The following PIEZO1 variants were observed in gnomAD, a reference collection of about 807,000 sequenced individuals.
PIEZO1 encodes piezo-type mechanosensitive ion channel component 1.
PIEZO1 carries 296 observed loss-of-function variants against 297.2 expected under a neutral mutation model. The observed-to-expected ratio is 1.00, with a 90% CI of 0.91 to 1.10. PIEZO1 has a LOEUF of 1.10. Among genes scored for constraint, PIEZO1 ranks in the 50% least tolerant of loss-of-function variants. The pLI, the probability that PIEZO1 is intolerant of heterozygous loss-of-function variation, is 0.00. For missense variants in PIEZO1, 5,018 were observed against 3,455.5 expected (o/e 1.45, Z -11.34); for synonymous variants, 2,427 against 1,507.5 (o/e 1.61, Z -14.13).
In PIEZO1 at chr16:88,743,400, C is replaced by T. The variant is rs1197634645; in HGVS notation, c.161-978G>A. ...GAGCTTCCGGGCCCTCACCCTGGGG[C>T]AGCAACTCCTGCACCACCAGCCACG... On this transcript the variant is annotated intron_variant, in intron 2 of 50. Transcript: ENST00000301015. 3 of 446,248 alleles carry T rather than the reference C, an allele frequency of 6.7e-6. No individual in the cohort carries two copies. In the Admixed American group the frequency reaches 7.1e-5, roughly 11 times the overall value. The allele number at this position is 446,248 out of a possible 1,614,324, so 27.6% of individuals were successfully genotyped here. A position where few individuals can be genotyped will look rare whatever the true frequency, so the allele number is the denominator to read the frequency against.
chr16:88,756,069 G>T (rs1351476633), intron 1 of PIEZO1, among the ~76,000 whole-genome samples: 5 of 152,198 alleles, frequency 3.3e-5, no homozygotes, highest in Non-Finnish European at 5.9e-5. Flanking sequence ...TGAGCAGTCA[G>T]AGGTGTCCTC....
At chr16:88,755,889 T>C (rs3743975) in intron 1 of PIEZO1, among the ~76,000 whole-genome samples, 65,358 of 151,984 alleles carry the variant, frequency 0.43, 16,274 homozygotes, top group African/African-American at 0.7. Context: ...CAGCAGATCC[T>C]GACATGAGAA....
chr16:88,746,606 A>C (rs1351362460), intron 2 of PIEZO1, among the ~76,000 whole-genome samples: 1 of 152,186 alleles, frequency 6.6e-6, no homozygotes, highest in African/African-American at 2.4e-5. Flanking sequence ...CAGCTGCACA[A>C]ATCATAAAGC....
rs202139830 is a variant in PIEZO1, at chr16:88,733,987, C to T, written c.2248G>A (p.Glu750Lys). Residue 750 changes from glutamate (E) to lysine (K), a missense_variant, in exon 17 of 51, where the codon GAG (glutamate) becomes AAG (lysine). Transcript: ENST00000301015. ...EQQEHQQQQQ[E>K]EEEEEEDSRD... ...GAGTCCTCCTCCTCCTCCTCCTCCT[C>T]CTGCTGCTGCTGCTGATGCTCCTGC... 1 of 1,506,142 alleles carries T rather than the reference C, an allele frequency of 6.6e-7. No homozygotes were observed. Among genetic ancestry groups the T allele is most frequent in the Non-Finnish European group, 8.9e-7 (1 of 1,118,380 alleles). 93.3% of individuals were successfully genotyped at this position (1,506,142 alleles called of 1,614,324 possible).
chr16:88,723,192 C>G, intron 32 of PIEZO1, 34 bp downstream of exon 32: 1 of 1,549,188 alleles, frequency 6.5e-7, no homozygotes, highest in Non-Finnish European at 8.7e-7. Context: ...AGTCCCGCGG[C>G]TTCCCCTCAG....
At chr16:88,722,554 G>C (rs1280115564) in intron 35 of PIEZO1, 29 bp downstream of exon 35, 2 of 1,474,724 alleles carry the variant, frequency 1.4e-6, no homozygotes, top group African/African-American at 2.8e-5. Context: ...AGGGGCAGCA[G>C]CTGGGGCTCG....
At chr16:88,783,670 G>A (rs188330527) in intron 1 of PIEZO1, among the ~76,000 whole-genome samples, 1 of 152,310 alleles carries the variant, frequency 6.6e-6, no homozygotes, top group Non-Finnish European at 1.5e-5. Flanking sequence ...GCAGGTCCCA[G>A]GCTGCCCAGT....
In PIEZO1 at chr16:88,735,006, TCAC is replaced by T; in HGVS notation, c.1714_1716del (p.Val572del). 1.9e-6 allele frequency: 3 copies of T among 1,550,500 alleles called. No individual in the cohort carries two copies. The highest frequency in any genetic ancestry group is 2.6e-6 in the Non-Finnish European group (3 of 1,146,978). The stretch of plus-strand genomic sequence containing the variant: ...ATCCAGTACTTGGCGTACACGCCCT[TCAC>T]CAGCTCCCCCAGGCTCTGCAACAGC... On this transcript the variant is annotated inframe_deletion, in exon 14 of 51. Transcript: ENST00000301015.
chr16:88,760,059 G>A (rs75061688), intron 1 of PIEZO1, among the ~76,000 whole-genome samples: 10 of 96,896 alleles, frequency 1.0e-4, no homozygotes, highest in Non-Finnish European at 2.2e-4. Flanking sequence ...CCCAGCGGAC[G>A]TGACACCTGG....
At chr16:88,741,410 C>A in intron 5 of PIEZO1, 68 bp downstream of exon 5, 2 of 1,352,256 alleles carry the variant, frequency 1.5e-6, no homozygotes, top group South Asian at 1.4e-5. Context: ...TAAAATAACC[C>A]TCAAAATGGC....
At position 88,727,046 on chromosome 16, in the gene PIEZO1, G is replaced by A. The variant is rs1289041512; in HGVS notation, c.3448C>T (p.His1150Tyr). Residue 1150 changes from histidine to tyrosine, a missense_variant, in exon 24 of 51, where the codon CAC becomes TAC. His to Tyr is a moderately conservative substitution (Grantham distance 83). Transcript: ENST00000301015. The part of the protein sequence containing the change: ...GEPNPVPNFI[H>Y]CRSYLDMLKV... ...GGGTGACGTGGAACCCACCTGCAGT[G>A]GATAAAGTTGGGCACGGGGTTGGGC... The A allele has an allele frequency of 2.6e-6, 4 of 1,548,864 alleles. No individual in the cohort carries two copies. Among genetic ancestry groups the A allele is most frequent in the Non-Finnish European group, 3.5e-6 (4 of 1,145,860 alleles).
At chr16:88,779,963 G>A (rs866101173) in intron 1 of PIEZO1, among the ~76,000 whole-genome samples, 5 of 152,222 alleles carry the variant, frequency 3.3e-5, no homozygotes, top group African/African-American at 7.2e-5. Context: ...TCCAAAGCCC[G>A]AGAGACCTGA....
At chr16:88,717,972 A>T (rs1015278575) in intron 44 of PIEZO1, 3 of 338,668 alleles carry the variant, frequency 8.9e-6, no homozygotes, top group Non-Finnish European at 1.7e-5. Context: ...AGTCCCAGCT[A>T]CTCGGGAGGC....
chr16:88,782,782 G>T (rs1029288122), intron 1 of PIEZO1, among the ~76,000 whole-genome samples: 1 of 152,188 alleles, frequency 6.6e-6, no homozygotes, highest in Non-Finnish European at 1.5e-5. Flanking sequence ...CCTGCACATC[G>T]CGGGTCCATC....
chr16:88,753,056 G>A (rs1258884419), intron 1 of PIEZO1, among the ~76,000 whole-genome samples: 2 of 150,536 alleles, frequency 1.3e-5, no homozygotes, highest in African/African-American at 2.4e-5. Context: ...GAGAGGAAGA[G>A]GGCTACTTAG....
At chr16:88,748,066 C>T (rs146961990) in intron 2 of PIEZO1, among the ~76,000 whole-genome samples, 20 of 152,360 alleles carry the variant, frequency 1.3e-4, no homozygotes, top group Admixed American at 4.6e-4. Flanking sequence ...AAGAGCCTGT[C>T]TCCACAGTCA....
chr16:88,725,157 G>T (rs1041778146), intron 29 of PIEZO1, 77 bp from the exon 30 acceptor site: 3 of 1,030,700 alleles, frequency 2.9e-6, no homozygotes, highest in Non-Finnish European at 2.8e-6. Flanking sequence ...CTCCCGTCTT[G>T]GAGACAGGAT....
chr16:88,722,704 A>AG lies in PIEZO1; in HGVS notation c.4669-16dup. The AG allele has an allele frequency of 6.5e-7, 1 of 1,534,338 alleles. No individual in the cohort carries two copies. The highest frequency in any genetic ancestry group is 8.7e-7 in the Non-Finnish European group (1 of 1,144,236). On this transcript the variant is annotated splice_polypyrimidine_tract_variant and intron_variant, in intron 34 of 50. Transcript: ENST00000301015. Reference sequence around the variant, plus strand: ...ACTTCGCCGCCCTGCAGGGCACAGCAGGGGGCTCAGGGCTGCGTCCAGCTC... The same window carrying AG: ...ACTTCGCCGCCCTGCAGGGCACAGCAGGGGGGCTCAGGGCTGCGTCCAGCTC...
Position 88,741,516 on chromosome 16 carries a change from C to G in PIEZO1, c.427G>C (p.Ala143Pro). 2 of 1,535,724 alleles carry G rather than the reference C, an allele frequency of 1.3e-6. No homozygotes were observed. The change falls in exon 5 of 51, where the codon GCA (alanine) becomes CCA (proline). Residue 143 changes from alanine (A) to proline (P), a missense_variant. Physicochemically the swap from Ala to Pro is conservative, Grantham distance 27. Coordinates refer to ENST00000301015, the MANE Select transcript of PIEZO1 (RefSeq NM_001142864.4). ...SVCLGICGRLARNTRQSPHPR... is the reference protein window; with the variant it reads ...SVCLGICGRLPRNTRQSPHPR... The stretch of plus-strand genomic sequence containing the variant: ...TGTGGGCTCTGCCGGGTGTTCCTTG[C>G]AAGGCGCCCGCAGATGCCGAGGCAG...
Sources: gnomAD v4.1 joint callset for allele counts (sites outside exome capture counted in the v4.1 genomes callset) on GRCh38, gnomAD v4.1.1 for gene constraint, MANE v1.5 for transcripts, NCBI Gene and HGNC (gene_info 2026-07-23, HGNC 2026-07-21) for gene names.